Variants in STK31 observed in about 807,000 individuals in gnomAD.
STK31 encodes the protein serine/threonine kinase 31.
STK31 carries 89 observed loss-of-function variants against 129.7 expected under a neutral mutation model. The ratio of observed to expected loss-of-function variants is 0.69; its 90% confidence interval spans 0.58 to 0.82. The LOEUF (loss-of-function observed/expected upper bound fraction) is 0.82, where lower values mean the gene tolerates loss of function less well. STK31 is among the 40% of genes least tolerant of loss of function. The pLI, the probability that STK31 is intolerant of heterozygous loss-of-function variation, is 0.00. For missense variants in STK31, 1,187 were observed against 1,176.4 expected (o/e 1.01, Z -0.13); for synonymous variants, 448 against 395.3 (o/e 1.13, Z -1.58).
rs117070903 is a variant in STK31 at position 23,763,902 on chromosome 7, T to C, written c.1416+979T>C. 4.7e-4 allele frequency among the ~76,000 whole-genome samples: 72 copies of C among 152,346 alleles called. No homozygotes were observed. In the East Asian group the frequency reaches 0.011, roughly 23 times the overall value. ...TACCTTTTATGTATCTTTGAATTTT[T>C]ACTGCTTTGGTCAGTTACCCTAGTA... On this transcript the variant is annotated intron_variant, in intron 11 of 23. Transcript: ENST00000355870.
At chr7:23,773,155 A>C (rs1790309072) in intron 15 of STK31, among the ~76,000 whole-genome samples, 1 of 152,010 alleles carries the variant, frequency 6.6e-6, no homozygotes, top group African/African-American at 2.4e-5. Flanking sequence ...TCAACCCGTC[A>C]CCTACATTAG....
At chr7:23,798,735 G>GC (rs1792168609) in intron 22 of STK31, among the ~76,000 whole-genome samples, 1 of 152,096 alleles carries the variant, frequency 6.6e-6, no homozygotes, top group Non-Finnish European at 1.5e-5. Context: ...ACATACTATT[G>GC]CAAGTTCTGA....
At chr7:23,745,262 G>A (rs1788280541) in intron 8 of STK31, among the ~76,000 whole-genome samples, 1 of 152,166 alleles carries the variant, frequency 6.6e-6, no homozygotes, top group African/African-American at 2.4e-5. Context: ...AGACACTGGT[G>A]AGAGGGGTTA....
chr7:23,768,256 G>C (rs999593464), intron 11 of STK31, among the ~76,000 whole-genome samples: 1 of 152,026 alleles, frequency 6.6e-6, no homozygotes, highest in African/African-American at 2.4e-5. Context: ...CTATATCTAG[G>C]AGCAGTAGGC....
chr7:23,771,145 A>G (rs1422621141), intron 14 of STK31, 21 bp downstream of exon 14: 1 of 1,528,354 alleles, frequency 6.5e-7, no homozygotes, highest in South Asian at 1.3e-5. Flanking sequence ...GCTTTCTCTT[A>G]TTGATCTTAT....
At position 23,730,101 on chromosome 7, in the gene STK31, AG is replaced by A. The variant is rs2128074773; in HGVS notation, c.483+856del. Among the ~76,000 whole-genome samples, 3 of 152,302 alleles carry A rather than the reference AG, an allele frequency of 2.0e-5. No homozygotes were observed. In the East Asian group the frequency reaches 5.8e-4, roughly 29 times the overall value. Reference sequence around the variant, plus strand: ...ATTCTGGAAGACGTTCGATAATTTCAGGGGTAGTCTTACAGGAATTCTACCT... The same window carrying A: ...ATTCTGGAAGACGTTCGATAATTTCAGGGTAGTCTTACAGGAATTCTACCT... On this transcript the variant is annotated intron_variant, in intron 6 of 23. Transcript: ENST00000355870.
At chr7:23,772,057 G>C in intron 14 of STK31, 90 bp from the exon 15 acceptor site, 1 of 996,598 alleles carries the variant, frequency 1.0e-6, no homozygotes, top group South Asian at 2.2e-5. Context: ...GTAAATACTA[G>C]TTGAATCTTA....
At chr7:23,799,487 A>T (rs1414742419) in intron 22 of STK31, among the ~76,000 whole-genome samples, 1 of 152,204 alleles carries the variant, frequency 6.6e-6, no homozygotes, top group Non-Finnish European at 1.5e-5. Flanking sequence ...AGAAGCAAGC[A>T]ATGGGGAAAG....
intron 15 of STK31, among the ~76,000 whole-genome samples, chr7:23,779,272 G>A (rs1244881173): frequency 6.6e-6 from 1 of 152,210 alleles, no homozygotes; most frequent in African/African-American, 2.4e-5. Context: ...TGAGGTGTCT[G>A]TCGTCCCCTG....
chr7:23,776,388 T>C (rs891419629), intron 15 of STK31, among the ~76,000 whole-genome samples: 2 of 152,288 alleles, frequency 1.3e-5, no homozygotes, highest in Non-Finnish European at 2.9e-5. Flanking sequence ...TTGTTTGGAA[T>C]TGTTTCAGAA....
chr7:23,740,538 A>G (rs1787996917), intron 8 of STK31, among the ~76,000 whole-genome samples: 1 of 151,906 alleles, frequency 6.6e-6, no homozygotes, highest in African/African-American at 2.4e-5. Context: ...GTACATGTGC[A>G]CAACGTGCAG....
chr7:23,783,735 C>A, intron 17 of STK31, 72 bp downstream of exon 17: 2 of 1,233,942 alleles, frequency 1.6e-6, no homozygotes, highest in Admixed American at 2.2e-5. Context: ...AAATTTGTGT[C>A]AGTGTTAAAC....
At chr7:23,757,587 T>A (rs1287434779) in intron 10 of STK31, among the ~76,000 whole-genome samples, 1 of 152,126 alleles carries the variant, frequency 6.6e-6, no homozygotes, top group Admixed American at 6.5e-5. Context: ...TCAGCATGTC[T>A]CACCTCCAGC....
At position 23,798,479 on chromosome 7, in the gene STK31, A is replaced by C. The variant is rs1792142197; in HGVS notation, c.2760+7533A>C. Among the ~76,000 whole-genome samples the C allele has an allele frequency of 1.8e-5, 2 of 113,154 alleles. 1 individual carries two copies. The highest frequency in any genetic ancestry group is 4.0e-5 in the Non-Finnish European group (2 of 49,962). 74.2% of individuals were successfully genotyped at this position (113,154 alleles called of 152,430 possible). On this transcript the variant is annotated intron_variant, in intron 22 of 23. Coordinates refer to ENST00000355870, the MANE Select transcript of STK31 (RefSeq NM_031414.5). Reference sequence around the variant, plus strand: ...ATCAGTAAACATAATGCATCACATAAACAGAACCAAAAACAAAAACCACAT... The same window carrying C: ...ATCAGTAAACATAATGCATCACATACACAGAACCAAAAACAAAAACCACAT...
intron 8 of STK31, among the ~76,000 whole-genome samples, chr7:23,750,925 C>A (rs899574064): frequency 6.6e-6 from 1 of 152,144 alleles, no homozygotes; most frequent in Non-Finnish European, 1.5e-5. Context: ...ATATACAATA[C>A]ATCATTAACT....
At chr7:23,750,401 C>A (rs536987442) in intron 8 of STK31, among the ~76,000 whole-genome samples, 6 of 152,246 alleles carry the variant, frequency 3.9e-5, no homozygotes, top group African/African-American at 1.4e-4. Flanking sequence ...CCTTTTCTTA[C>A]AGATCTGAGA....
At chr7:23,810,918 T>A (rs1793090778) in intron 22 of STK31, among the ~76,000 whole-genome samples, 1 of 119,342 alleles carries the variant, frequency 8.4e-6, no homozygotes, top group Non-Finnish European at 1.8e-5. Context: ...ATAAAATATA[T>A]GTATATATGT....
At chr7:23,810,662 ATATATAATATATATAAAAT>A (rs1176650304) in intron 22 of STK31, among the ~76,000 whole-genome samples, 1 of 132,950 alleles carries the variant, frequency 7.5e-6, no homozygotes, top group East Asian at 2.0e-4. Context: ...ATATATAAAA[ATATATAATATATATAAAAT>A]AGATATTATA....
At chr7:23,816,548 C>T (rs1793483456) in intron 23 of STK31, among the ~76,000 whole-genome samples, 1 of 152,188 alleles carries the variant, frequency 6.6e-6, no homozygotes, top group African/African-American at 2.4e-5. Context: ...GAATATGCCT[C>T]TAACCTCACA....
Sources: gnomAD v4.1 joint callset for allele counts (sites outside exome capture counted in the v4.1 genomes callset) on GRCh38, gnomAD v4.1.1 for gene constraint, MANE v1.5 for transcripts, NCBI Gene and HGNC (gene_info 2026-07-23, HGNC 2026-07-21) for gene names.